Variants in TYR observed in about 807,000 individuals in gnomAD.
TYR encodes the protein LB24-AB.
In TYR, 58 loss-of-function variants were observed where a neutral mutation model predicts 51.5. The ratio of observed to expected loss-of-function variants is 1.13; its 90% CI spans 0.91 to 1.40. The LOEUF is 1.40. TYR is among the 40% of genes most tolerant of loss of function. The pLI is 0.00. For missense variants in TYR, 732 were observed against 647.4 expected (o/e 1.13, Z -1.42); for synonymous variants, 263 against 235.2 (o/e 1.12, Z -1.08).
intron 3 of TYR, among the ~76,000 whole-genome samples, chr11:89,247,523 C>T (rs1238827974): frequency 1.3e-5 from 2 of 151,988 alleles, no homozygotes; most frequent in Non-Finnish European, 2.9e-5. Context: ...TTAATATATT[C>T]TAGTACTAGG....
At chr11:89,271,909 C>T (rs1944592994) in intron 3 of TYR, among the ~76,000 whole-genome samples, 1 of 151,894 alleles carries the variant, frequency 6.6e-6, no homozygotes. Context: ...GATGCAACCC[C>T]TCATTCGTTC....
rs1463152051 is a variant in TYR, at chr11:89,178,413, G to T, written c.460G>T (p.Gly154Trp). Residue 154 changes from glycine (G) to tryptophan (W), a missense_variant, in exon 1 of 5, where the codon GGG (glycine) becomes TGG (tryptophan). Transcript: ENST00000263321. ...CAGCTCAGACTATGTCATCCCCATA[G>T]GGACCTATGGCCAAATGAAAAATGG... ...TISSDYVIPIGTYGQMKNGST... is the reference protein window; with the variant it reads ...TISSDYVIPIWTYGQMKNGST... The T allele has an allele frequency of 1.2e-6, 2 of 1,614,096 alleles. No individual in the cohort carries two copies. The highest frequency in any genetic ancestry group is 2.2e-5 in the East Asian group (1 of 44,864).
intron 2 of TYR, among the ~76,000 whole-genome samples, chr11:89,208,359 G>A (rs75396183): frequency 0.025 from 3,850 of 152,206 alleles, 176 homozygotes; most frequent in African/African-American, 0.089. Flanking sequence ...GATAAAAGAC[G>A]TATTAGGAAC....
At chr11:89,275,229 G>A (rs1340960067) in intron 3 of TYR, among the ~76,000 whole-genome samples, 2 of 151,930 alleles carry the variant, frequency 1.3e-5, no homozygotes, top group Non-Finnish European at 2.9e-5. Flanking sequence ...CACGTAAGGT[G>A]AAATCAGAAG....
rs969287045 is a variant in TYR at position 89,206,541 on chromosome 11, G to A, written c.1036+15123G>A. 1.9e-4 allele frequency among the ~76,000 whole-genome samples: 29 copies of A among 152,264 alleles called. No homozygotes were observed. The East Asian group carries it at 5.6e-3, about 29-fold the overall frequency. On this transcript the variant is annotated intron_variant, in intron 2 of 4. Transcript: ENST00000263321. ...AGAAATAGACAAATTCACAATTACAGTTGGAGAATTCAATACTGCTGTTTA... is the reference window on the plus strand; with the variant it reads ...AGAAATAGACAAATTCACAATTACAATTGGAGAATTCAATACTGCTGTTTA...
At position 89,178,482 on chromosome 11, in the gene TYR, G is replaced by T. The variant is rs138487695; in HGVS notation, c.529G>T (p.Val177Phe). 6.2e-7 allele frequency: 1 copy of T among 1,614,148 alleles called. No individual in the cohort carries two copies. The highest frequency in any genetic ancestry group is 1.3e-5 in the African/African-American group (1 of 75,020). The change falls in exon 1 of 5, where the codon GTC (valine) becomes TTC (phenylalanine). Residue 177 changes from valine (V) to phenylalanine (F), a missense_variant. By Grantham distance (50) the Val-to-Phe change is conservative. Coordinates refer to ENST00000263321, the MANE Select transcript of TYR (RefSeq NM_000372.5). ...CGACATCAATATTTATGACCTCTTT[G>T]TCTGGATGCATTATTATGTGTCAAT... ...FNDINIYDLFVWMHYYVSMDA... is the reference protein window; with the variant it reads ...FNDINIYDLFFWMHYYVSMDA...
At chr11:89,279,435 G>A (rs1475642175) in intron 3 of TYR, among the ~76,000 whole-genome samples, 4 of 151,380 alleles carry the variant, frequency 2.6e-5, no homozygotes, top group African/African-American at 9.7e-5. Context: ...AAACAGACAG[G>A]GCTTACTGGG....
intron 2 of TYR, among the ~76,000 whole-genome samples, chr11:89,213,869 T>C (rs1943795524): frequency 6.6e-6 from 1 of 152,166 alleles, no homozygotes. Flanking sequence ...TAAATGGTGT[T>C]GGGAAAACTG....
intron 1 of TYR, among the ~76,000 whole-genome samples, chr11:89,184,246 T>C (rs541639176): frequency 6.6e-5 from 10 of 151,490 alleles, no homozygotes; most frequent in Admixed American, 5.9e-4. Context: ...TCAGCAAAAA[T>C]AGTTTCATTC....
In TYR at chr11:89,231,455, T is replaced by C. The variant is rs1214402347; in HGVS notation, c.1184+3485T>C. ...GTATATATACACAATGGAACACTATTCTGCCATAAAAAAGGAAAACCCTCT... is the reference window on the plus strand; with the variant it reads ...GTATATATACACAATGGAACACTATCCTGCCATAAAAAAGGAAAACCCTCT... On this transcript the variant is annotated intron_variant, in intron 3 of 4. Coordinates refer to ENST00000263321, the MANE Select transcript of TYR (RefSeq NM_000372.5). Among the ~76,000 whole-genome samples, 14 of 142,892 alleles carry C rather than the reference T, an allele frequency of 9.8e-5. 3 individuals are homozygous for C. The highest frequency in any genetic ancestry group is 3.9e-4 in the African/African-American group (14 of 36,024). 93.7% of individuals were successfully genotyped at this position (142,892 alleles called of 152,430 possible).
chr11:89,292,362 A>G (rs947676027), intron 4 of TYR, among the ~76,000 whole-genome samples: 3 of 152,080 alleles, frequency 2.0e-5, no homozygotes, highest in African/African-American at 4.8e-5. Context: ...ATTTTAATAG[A>G]AAAAATATTC....
chr11:89,224,097 A>G (rs886143139), intron 2 of TYR, among the ~76,000 whole-genome samples: 2 of 152,094 alleles, frequency 1.3e-5, no homozygotes, highest in African/African-American at 4.8e-5. Context: ...GTTTCTACAG[A>G]ACAATGAAGT....
intron 2 of TYR, 87 bp from the exon 3 acceptor site, chr11:89,227,735 AG>A: frequency 8.6e-7 from 1 of 1,159,028 alleles, no homozygotes; most frequent in South Asian, 1.3e-5. Flanking sequence ...ACAGTCTTCA[AG>A]TTATAGTTAT....
At chr11:89,207,997 G>T (rs7924785) in intron 2 of TYR, among the ~76,000 whole-genome samples, 2,177 of 152,238 alleles carry the variant, frequency 0.014, 48 homozygotes, top group African/African-American at 0.05. Flanking sequence ...GGCCAGGGGC[G>T]GTGGCTCACG....
intron 2 of TYR, among the ~76,000 whole-genome samples, chr11:89,219,934 G>A (rs1451206605): frequency 6.6e-6 from 1 of 152,048 alleles, no homozygotes; most frequent in African/African-American, 2.4e-5. Flanking sequence ...GGAAATAAAG[G>A]AACTATCATA....
intron 2 of TYR, 134 bp downstream of exon 2, chr11:89,191,552 T>G: frequency 6.0e-6 from 5 of 830,930 alleles, no homozygotes; most frequent in Non-Finnish European, 9.6e-6. Context: ...TATACTTATA[T>G]CGACAATGAC....
intron 3 of TYR, among the ~76,000 whole-genome samples, chr11:89,276,675 C>G (rs1384514278): frequency 6.6e-6 from 1 of 151,692 alleles, no homozygotes; most frequent in Admixed American, 6.6e-5. Flanking sequence ...CTAATTAATG[C>G]AGGTGTCTGT....
In TYR at chr11:89,178,750, C is replaced by A; in HGVS notation, c.797C>A (p.Ala266Glu). ...HPTNPNLLSP[A>E]SFFSSWQIVC... ...ACAAATCCTAACTTACTCAGCCCAG[C>A]ATCATTCTTCTCCTCTTGGCAGGTA... The change falls in exon 1 of 5, where the codon GCA (alanine) becomes GAA (glutamate). Residue 266 changes from alanine (A) to glutamate (E), a missense_variant. By Grantham distance (107) the Ala-to-Glu change is moderately radical. Coordinates refer to ENST00000263321, the MANE Select transcript of TYR (RefSeq NM_000372.5). The A allele has an allele frequency of 1.2e-6, 2 of 1,614,118 alleles. No individual in the cohort carries two copies. Among genetic ancestry groups the A allele is most frequent in the Non-Finnish European group, 1.7e-6 (2 of 1,180,010 alleles).
intron 3 of TYR, among the ~76,000 whole-genome samples, chr11:89,234,027 C>G (rs1221423584): frequency 7.0e-6 from 1 of 143,402 alleles, no homozygotes; most frequent in East Asian, 2.0e-4. Context: ...TTCTAGATGG[C>G]ATATTCTTCT....
Sources: gnomAD v4.1 joint callset for allele counts (sites outside exome capture counted in the v4.1 genomes callset) on GRCh38, gnomAD v4.1.1 for gene constraint, MANE v1.5 for transcripts, NCBI Gene and HGNC (gene_info 2026-07-23, HGNC 2026-07-21) for gene names.